DCAF8L2: variants seen among roughly 807,000 people sequenced by gnomAD.
DCAF8L2 encodes the protein DDB1 and CUL4 associated factor 8 like 2.
For missense variants in DCAF8L2, 430 were observed against 490.7 expected, an observed-to-expected ratio of 0.88 and a Z score of 1.17; for synonymous variants, 200 against 190.9, an observed-to-expected ratio of 1.05 and a Z score of -0.39.
At chrX:27,699,967 C>T (rs1378879134) in intron 3 of DCAF8L2, among the ~76,000 whole-genome samples, 1 of 110,753 alleles carries the variant, frequency 9.0e-6, no homozygotes, top group Non-Finnish European at 1.9e-5. Context: ...CCTAGGAGTT[C>T]AACATCGAGA....
chrX:27,536,875 A>G, the DCAF8L2 span, among the ~76,000 whole-genome samples: 1 of 112,177 alleles, frequency 8.9e-6, no homozygotes, highest in Non-Finnish European at 1.9e-5. Context: ...CTTTGAGGGA[A>G]CCCTCATGCC....
the DCAF8L2 span, among the ~76,000 whole-genome samples, chrX:27,507,343 C>G: frequency 9.0e-6 from 1 of 111,563 alleles, no homozygotes; most frequent in Non-Finnish European, 1.9e-5. Context: ...GTGCTGAAAA[C>G]TCTCTATAAT....
chrX:27,523,246 C>T, the DCAF8L2 span, among the ~76,000 whole-genome samples: 1 of 111,703 alleles, frequency 9.0e-6, no homozygotes, highest in Non-Finnish European at 1.9e-5. Flanking sequence ...TGAACTTAGG[C>T]AGTTTGTTTC....
chrX:27,691,116 T>C (rs1425348560), intron 3 of DCAF8L2, among the ~76,000 whole-genome samples: 1 of 111,895 alleles, frequency 8.9e-6, no homozygotes, highest in Non-Finnish European at 1.9e-5. Flanking sequence ...ACATTTAATA[T>C]ATTGAGGAAA....
chrX:27,633,878 GT>G (rs1300464576), intron 2 of DCAF8L2: 1 of 111,607 alleles, frequency 9.0e-6, no homozygotes. Context: ...ACTTATCAAT[GT>G]TAAAATTAGC....
the DCAF8L2 span, among the ~76,000 whole-genome samples, chrX:27,539,149 A>G: frequency 8.9e-6 from 1 of 112,199 alleles, no homozygotes; most frequent in Admixed American, 9.5e-5. Flanking sequence ...ATGCCCCGCC[A>G]GCAGTGACTT....
chrX:27,643,969 A>G (rs1344614290), intron 2 of DCAF8L2, among the ~76,000 whole-genome samples: 3 of 111,498 alleles, frequency 2.7e-5, no homozygotes, highest in African/African-American at 9.8e-5. Context: ...AAACGTCCCA[A>G]TCCCTATCAT....
intron 1 of DCAF8L2, among the ~76,000 whole-genome samples, chrX:27,622,979 CAT>C (rs1927849260): frequency 8.9e-6 from 1 of 112,014 alleles, no homozygotes; most frequent in Non-Finnish European, 1.9e-5. Flanking sequence ...TTGGTTAAAA[CAT>C]AATTCTGTAA....
At chrX:27,530,528 G>A in the DCAF8L2 span, among the ~76,000 whole-genome samples, 1 of 111,249 alleles carries the variant, frequency 9.0e-6, no homozygotes, top group Non-Finnish European at 1.9e-5. Flanking sequence ...GTCATCTGGT[G>A]TAGTGGAGAT....
intron 1 of DCAF8L2, among the ~76,000 whole-genome samples, chrX:27,628,989 T>A (rs1467435649): frequency 8.9e-6 from 1 of 111,997 alleles, no homozygotes; most frequent in African/African-American, 3.2e-5. Context: ...TACCTTCTCA[T>A]ATGCCTGTTG....
intron 2 of DCAF8L2, among the ~76,000 whole-genome samples, chrX:27,636,628 A>G (rs1928513413): frequency 1.8e-5 from 2 of 111,285 alleles, no homozygotes; most frequent in Admixed American, 1.9e-4. Flanking sequence ...ATGCATCTCA[A>G]ACCTGAACAC....
At chrX:27,612,299 T>G (rs1295729223) in intron 1 of DCAF8L2, among the ~76,000 whole-genome samples, 2 of 111,898 alleles carry the variant, frequency 1.8e-5, no homozygotes, top group African/African-American at 3.3e-5. Flanking sequence ...GTTATTTGAT[T>G]TTTTCTTGTA....
chrX:27,519,353 A>C, the DCAF8L2 span: 1 of 1,146,063 alleles, frequency 8.7e-7, no homozygotes, highest in Non-Finnish European at 1.2e-6. Flanking sequence ...GAAGAGGCGA[A>C]GTCTGCCGTA....
At position 27,647,621 on chromosome X, in the gene DCAF8L2, C is replaced by T. The variant is rs143649803; in HGVS notation, c.-220+15621C>T. On this transcript the variant is annotated intron_variant, in intron 2 of 4. Coordinates refer to ENST00000451261, the MANE Select transcript of DCAF8L2 (RefSeq NM_001353450.2). ...AAAAATTCTTTTTCTTTCTTAGTAT[C>T]CAAGAGACTGGCACCTTTACAGCTG... is the stretch of plus-strand genomic sequence containing the variant. Among the ~76,000 whole-genome samples the T allele has an allele frequency of 8.6e-3, 953 of 110,974 alleles. 12 individuals carry two copies. Among genetic ancestry groups the T allele is most frequent in the African/African-American group, 0.03 (910 of 30,519 alleles).
At chrX:27,611,475 G>A (rs1292355092) in intron 1 of DCAF8L2, among the ~76,000 whole-genome samples, 1 of 108,997 alleles carries the variant, frequency 9.2e-6, no homozygotes, top group Non-Finnish European at 1.9e-5. Flanking sequence ...TTAAGTTCTG[G>A]GGTACATGTC....
chrX:27,548,986 C>G, the DCAF8L2 span, among the ~76,000 whole-genome samples: 206 of 111,163 alleles, frequency 1.9e-3, no homozygotes, highest in African/African-American at 6.6e-3. Flanking sequence ...GTCCGTACAC[C>G]AAAAAAGACC....
At chrX:27,584,515 C>A in the DCAF8L2 span, among the ~76,000 whole-genome samples, 1 of 97,803 alleles carries the variant, frequency 1.0e-5, no homozygotes, top group Non-Finnish European at 2.1e-5. Flanking sequence ...TTAAAAAAAA[C>A]ACTATCTCAT....
the DCAF8L2 span, among the ~76,000 whole-genome samples, chrX:27,529,942 T>C: frequency 2.3e-4 from 26 of 111,301 alleles, no homozygotes; most frequent in South Asian, 7.6e-4. Context: ...CAATAACAAA[T>C]AGAAGAATTT....
chrX:27,521,786 G>C, the DCAF8L2 span, among the ~76,000 whole-genome samples: 1 of 111,294 alleles, frequency 9.0e-6, no homozygotes, highest in Non-Finnish European at 1.9e-5. Context: ...TAGAAAATGC[G>C]TCTATATTTA....
Sources: allele counts gnomAD v4.1 joint callset (sites outside exome capture counted in the v4.1 genomes callset), GRCh38; gene constraint gnomAD v4.1.1; transcripts MANE v1.5; gene names NCBI Gene and HGNC (gene_info 2026-07-23, HGNC 2026-07-21).